PLXNC1: variants seen among roughly 807,000 people sequenced by gnomAD.
PLXNC1 encodes plexin C1.
PLXNC1 carries 75 observed loss-of-function variants against 178.2 expected under a neutral mutation model. The observed-to-expected ratio is 0.42, with a 90% CI of 0.35 to 0.51. PLXNC1 has a LOEUF of 0.51. Among genes scored for constraint, PLXNC1 ranks in the 20% least tolerant of loss-of-function variants. PLXNC1 has a pLI of 0.02. For synonymous variants in PLXNC1, 790 were observed against 779.9 expected (o/e 1.01, Z -0.22); for missense variants, 1,503 against 1,984.4 (o/e 0.76, Z 4.61).
At chr12:94,281,122 T>C (rs541830282) in intron 22 of PLXNC1, among the ~76,000 whole-genome samples, 2 of 152,192 alleles carry the variant, frequency 1.3e-5, no homozygotes, top group Admixed American at 1.3e-4. Flanking sequence ...CTACTACAAA[T>C]ACAAAAATTA....
At position 94,209,657 on chromosome 12, in the gene PLXNC1, G is replaced by A. The variant is rs747702410; in HGVS notation, c.1507G>A (p.Ala503Thr). 14 of 1,613,194 alleles carry A rather than the reference G, an allele frequency of 8.7e-6. No homozygotes were observed. The South Asian group carries it at 1.4e-4, about 16-fold the overall frequency. The change falls in exon 5 of 31, where the codon GCA becomes ACA. Residue 503 changes from alanine to threonine, a missense_variant. Transcript: ENST00000258526. ...AAACTGGCTGGATATTTCGTCTGGAGCAAAAAAGTGCCCTAAAATTCAGAT... is the reference window on the plus strand; with the variant it reads ...AAACTGGCTGGATATTTCGTCTGGAACAAAAAAGTGCCCTAAAATTCAGAT... ...LENWLDISSG[A>T]KKCPKIQIIR...
At chr12:94,257,646 AC>A in intron 17 of PLXNC1, among the ~76,000 whole-genome samples, 1 of 151,724 alleles carries the variant, frequency 6.6e-6, no homozygotes, top group Admixed American at 6.6e-5. Context: ...GGTGGCGTGC[AC>A]CTGTAATCCC....
chr12:94,227,674 C>T (rs1963984748), intron 9 of PLXNC1, among the ~76,000 whole-genome samples: 1 of 152,088 alleles, frequency 6.6e-6, no homozygotes, highest in African/African-American at 2.4e-5. Context: ...GACGTCTAAC[C>T]AGTAGTGAAC....
At chr12:94,220,969 C>T (rs181075163) in intron 6 of PLXNC1, among the ~76,000 whole-genome samples, 26 of 152,150 alleles carry the variant, frequency 1.7e-4, no homozygotes, top group Admixed American at 4.6e-4. Flanking sequence ...AAAGGGGAGA[C>T]GGAGGGAAGA....
Position 94,282,406 on chromosome 12 carries a change from G to C in PLXNC1, c.3879+5G>C. ...AACACCATTGGCCACTATGAGGTAAGAGCAAGACTTGACCCCGTGTCTCCT... is the reference window on the plus strand; with the variant it reads ...AACACCATTGGCCACTATGAGGTAACAGCAAGACTTGACCCCGTGTCTCCT... On this transcript the variant is annotated splice_donor_5th_base_variant and intron_variant, in intron 23 of 30. Transcript: ENST00000258526. 4 of 1,582,312 alleles carry C rather than the reference G, an allele frequency of 2.5e-6. No homozygotes were observed. Among genetic ancestry groups the C allele is most frequent in the African/African-American group, 2.7e-5 (2 of 74,352 alleles).
chr12:94,153,576 T>G (rs1961040700), intron 1 of PLXNC1, among the ~76,000 whole-genome samples: 1 of 152,234 alleles, frequency 6.6e-6, no homozygotes, highest in Non-Finnish European at 1.5e-5. Flanking sequence ...TTGTGGAGTC[T>G]GATTGCTCCA....
chr12:94,290,056 T>C (rs1387564175), intron 23 of PLXNC1, among the ~76,000 whole-genome samples: 1 of 152,190 alleles, frequency 6.6e-6, no homozygotes, highest in African/African-American at 2.4e-5. Context: ...TCCGAGGTAT[T>C]TGTGATTATA....
At chr12:94,267,330 G>A (rs775332414) in intron 21 of PLXNC1, among the ~76,000 whole-genome samples, 5 of 152,160 alleles carry the variant, frequency 3.3e-5, no homozygotes, top group Non-Finnish European at 7.3e-5. Context: ...ACATCTGAAC[G>A]TGTTTTCTCC....
At chr12:94,273,034 C>T (rs1965677552) in intron 21 of PLXNC1, among the ~76,000 whole-genome samples, 1 of 152,176 alleles carries the variant, frequency 6.6e-6, no homozygotes, top group Non-Finnish European at 1.5e-5. Context: ...CTCCCACCGG[C>T]TCCATGATTT....
chr12:94,188,954 G>C (rs1343064394), intron 4 of PLXNC1, among the ~76,000 whole-genome samples: 6 of 150,608 alleles, frequency 4.0e-5, no homozygotes, highest in African/African-American at 1.5e-4. Context: ...GAGGGAGGAA[G>C]CACTGGAGGT....
rs186143206 is a variant in PLXNC1 at position 94,214,262 on chromosome 12, T to A, written c.1554+4558T>A. On this transcript the variant is annotated intron_variant, in intron 5 of 30. Coordinates refer to ENST00000258526, the MANE Select transcript of PLXNC1 (RefSeq NM_005761.3). Reference sequence around the variant, plus strand: ...ACCACACCCAGCTAATTTTTAAAAATTTTTTATAGAGATAAGGTCTCCCTA... The same window carrying A: ...ACCACACCCAGCTAATTTTTAAAAAATTTTTATAGAGATAAGGTCTCCCTA... Among the ~76,000 whole-genome samples, 242 of 152,172 alleles carry A rather than the reference T, an allele frequency of 1.6e-3. 1 individual carries two copies. Among genetic ancestry groups the A allele is most frequent in the African/African-American group, 5.5e-3 (228 of 41,510 alleles).
rs1048972959 is a variant in PLXNC1, at chr12:94,209,819, C to T, written c.1554+115C>T. On this transcript the variant is annotated intron_variant, in intron 5 of 30. Coordinates refer to ENST00000258526, the MANE Select transcript of PLXNC1 (RefSeq NM_005761.3). ...AGCAATCAAACATGCTTAGTGATAG[C>T]ACTCCATTCATTTAGCACTCATTAA... 13 of 657,692 alleles carry T rather than the reference C, an allele frequency of 2.0e-5. No homozygotes were observed. The Admixed American group carries it at 3.1e-4, about 16-fold the overall frequency. 40.7% of individuals were successfully genotyped at this position (657,692 alleles called of 1,614,324 possible). A position where few individuals can be genotyped will look rare whatever the true frequency, so the allele number is the denominator to read the frequency against.
chr12:94,288,621 C>T (rs911082500), intron 23 of PLXNC1, among the ~76,000 whole-genome samples: 28 of 152,334 alleles, frequency 1.8e-4, no homozygotes, highest in Admixed American at 1.5e-3. Context: ...GATGTTCTGA[C>T]GGCCCCTTCC....
At chr12:94,217,010 C>T (rs1191211536) in intron 5 of PLXNC1, among the ~76,000 whole-genome samples, 1 of 151,372 alleles carries the variant, frequency 6.6e-6, no homozygotes, top group African/African-American at 2.4e-5. Flanking sequence ...ATACCTTCAC[C>T]TCACTGGCTC....
rs571705345 is a variant in PLXNC1 at position 94,278,767 on chromosome 12, G to C, written c.3598-705G>C. Among the ~76,000 whole-genome samples, 5 of 152,268 alleles carry C rather than the reference G, an allele frequency of 3.3e-5. No individual in the cohort carries two copies. In the East Asian group the frequency reaches 9.6e-4, roughly 29 times the overall value. On this transcript the variant is annotated intron_variant, in intron 21 of 30. Transcript: ENST00000258526. ...AATCCTAGCACTTTGGGAGGCTGAGGTGGGCAGATCACAAGGTCAGGACTT... is the reference window on the plus strand; with the variant it reads ...AATCCTAGCACTTTGGGAGGCTGAGCTGGGCAGATCACAAGGTCAGGACTT...
intron 3 of PLXNC1, 87 bp from the exon 4 acceptor site, chr12:94,186,286 C>G: frequency 2.2e-6 from 2 of 911,448 alleles, no homozygotes; most frequent in Non-Finnish European, 3.6e-6. Context: ...TAAATAGGCT[C>G]TTTTTGGCCC....
chr12:94,262,444 A>AG (rs1393549262), intron 20 of PLXNC1: 1 of 965,216 alleles, frequency 1.0e-6, no homozygotes, highest in Non-Finnish European at 1.2e-6. Flanking sequence ...TGGGCATTAG[A>AG]GGGGTGAGAT....
At chr12:94,253,205 G>A (rs574947565) in intron 15 of PLXNC1, among the ~76,000 whole-genome samples, 6 of 72,610 alleles carry the variant, frequency 8.3e-5, no homozygotes, top group Admixed American at 4.8e-4. Context: ...ACAAGACTCC[G>A]TCTCAGAAAA....
chr12:94,246,938 C>A (rs899958082), intron 12 of PLXNC1, among the ~76,000 whole-genome samples: 2 of 152,098 alleles, frequency 1.3e-5, no homozygotes, highest in South Asian at 4.1e-4. Flanking sequence ...TGATAAATTT[C>A]TTTTTATGAG....
Sources: allele counts gnomAD v4.1 joint callset (sites outside exome capture counted in the v4.1 genomes callset), GRCh38; gene constraint gnomAD v4.1.1; transcripts MANE v1.5; gene names NCBI Gene and HGNC (gene_info 2026-07-23, HGNC 2026-07-21).